Variants in TNFSF4 observed in about 807,000 individuals in gnomAD.
TNFSF4 encodes TNF superfamily member 4.
Under a neutral mutation model 7.3 loss-of-function variants are expected in TNFSF4, and 4 were observed. The ratio of observed to expected loss-of-function variants is 0.55; its 90% CI spans 0.27 to 1.25. TNFSF4 has a LOEUF of 1.25. TNFSF4 is among the 50% of genes most tolerant of loss of function. TNFSF4 has a pLI of 0.12. For missense variants in TNFSF4, 181 were observed against 208.8 expected (o/e 0.87, Z 0.82); for synonymous variants, 76 against 83.7 (o/e 0.91, Z 0.50).
chr1:173,229,298 A>G, the TNFSF4 span, among the ~76,000 whole-genome samples: 1 of 152,228 alleles, frequency 6.6e-6, no homozygotes, highest in African/African-American at 2.4e-5. Context: ...AAAGAAAGGA[A>G]TTTTCAACCC....
At chr1:173,349,626 T>G in the TNFSF4 span, among the ~76,000 whole-genome samples, 1 of 152,166 alleles carries the variant, frequency 6.6e-6, no homozygotes, top group African/African-American at 2.4e-5. Flanking sequence ...CTCAAAAGAC[T>G]CTATATAAAT....
chr1:173,248,683 C>T, the TNFSF4 span, among the ~76,000 whole-genome samples: 2 of 152,032 alleles, frequency 1.3e-5, no homozygotes, highest in Non-Finnish European at 2.9e-5. Context: ...GAGAGGCAGG[C>T]GGGAGCCAGA....
chr1:173,351,933 C>CTTT, the TNFSF4 span: 3 of 536,938 alleles, frequency 5.6e-6, no homozygotes, highest in African/African-American at 1.9e-5. Flanking sequence ...GATCCCTGAA[C>CTTT]AGAAAGCCAA....
At chr1:173,431,838 T>G in the TNFSF4 span, among the ~76,000 whole-genome samples, 3 of 152,126 alleles carry the variant, frequency 2.0e-5, no homozygotes, top group Non-Finnish European at 4.4e-5. Context: ...TGTGCTTACT[T>G]CCTCAGCAGA....
chr1:173,228,841 T>A, the TNFSF4 span, among the ~76,000 whole-genome samples: 1 of 152,024 alleles, frequency 6.6e-6, no homozygotes, highest in Admixed American at 6.6e-5. Context: ...TGATTGAAGA[T>A]CAAATGAATG....
At chr1:173,270,324 G>A in the TNFSF4 span, among the ~76,000 whole-genome samples, 1 of 152,106 alleles carries the variant, frequency 6.6e-6, no homozygotes, top group Admixed American at 6.6e-5. Flanking sequence ...AATTGCTAGT[G>A]TAAAGGTGCC....
At chr1:173,413,362 G>A in the TNFSF4 span, among the ~76,000 whole-genome samples, 173 of 152,288 alleles carry the variant, frequency 1.1e-3, no homozygotes, top group African/African-American at 2.8e-3. Context: ...GGGGGAACTT[G>A]TTATTCTTTT....
intron 1 of TNFSF4, chr1:173,205,200 G>C: frequency 7.9e-7 from 1 of 1,272,692 alleles, no homozygotes; most frequent in South Asian, 1.5e-5. Context: ...TCTATTTTCA[G>C]AGTAGACAGG....
the TNFSF4 span, among the ~76,000 whole-genome samples, chr1:173,414,381 T>A: frequency 6.6e-6 from 1 of 152,128 alleles, no homozygotes; most frequent in South Asian, 2.1e-4. Context: ...TTCTATGACC[T>A]CATTTAACCG....
the TNFSF4 span, among the ~76,000 whole-genome samples, chr1:173,244,650 AC>A: frequency 1.2e-3 from 146 of 125,764 alleles, 5 homozygotes; most frequent in African/African-American, 3.6e-3. Context: ...TCAAAAAAAA[AC>A]AAAAAACAAA....
chr1:173,266,658 T>C, the TNFSF4 span, among the ~76,000 whole-genome samples: 1 of 152,156 alleles, frequency 6.6e-6, no homozygotes, highest in Non-Finnish European at 1.5e-5. Context: ...TGTATGTGCC[T>C]TTCTCCCTTT....
chr1:173,267,419 C>A, the TNFSF4 span, among the ~76,000 whole-genome samples: 1 of 152,106 alleles, frequency 6.6e-6, no homozygotes, highest in Non-Finnish European at 1.5e-5. Context: ...AATGCTGATT[C>A]CCAATTTGCA....
At chr1:173,423,428 C>A in the TNFSF4 span, among the ~76,000 whole-genome samples, 2 of 152,138 alleles carry the variant, frequency 1.3e-5, no homozygotes, top group South Asian at 2.1e-4. Context: ...CTCCCTCCCC[C>A]ACAGCACATG....
the TNFSF4 span, among the ~76,000 whole-genome samples, chr1:173,248,410 A>AAG: frequency 2.7e-5 from 4 of 145,820 alleles, no homozygotes; most frequent in African/African-American, 7.8e-5. Flanking sequence ...AAGGAAGGAA[A>AAG]GAAAGAAGGA....
chr1:173,212,434 T>C, the TNFSF4 span, among the ~76,000 whole-genome samples: 2 of 152,120 alleles, frequency 1.3e-5, no homozygotes, highest in African/African-American at 4.8e-5. Context: ...CTTTCTATGA[T>C]AGGAAGCCTC....
At chr1:173,426,413 A>C in the TNFSF4 span, among the ~76,000 whole-genome samples, 2 of 152,180 alleles carry the variant, frequency 1.3e-5, no homozygotes, top group Non-Finnish European at 2.9e-5. Flanking sequence ...TCAGCATGTC[A>C]AAATGCCATA....
At chr1:173,301,035 A>G in the TNFSF4 span, among the ~76,000 whole-genome samples, 10 of 151,942 alleles carry the variant, frequency 6.6e-5, no homozygotes, top group Admixed American at 6.6e-4. Context: ...AAAATCCAGT[A>G]TTTTTAAAAA....
the TNFSF4 span, among the ~76,000 whole-genome samples, chr1:173,411,253 G>A: frequency 1.3e-5 from 2 of 152,158 alleles, no homozygotes; most frequent in Admixed American, 1.3e-4. Context: ...TTCTTTGCTG[G>A]ACTAGTGTCA....
the TNFSF4 span, among the ~76,000 whole-genome samples, chr1:173,232,883 G>A: frequency 8.5e-5 from 13 of 152,238 alleles, no homozygotes; most frequent in South Asian, 1.5e-3. Context: ...GTATTTTATT[G>A]AGGATTTTTG....
Sources: gnomAD v4.1 joint callset for allele counts (sites outside exome capture counted in the v4.1 genomes callset) on GRCh38, gnomAD v4.1.1 for gene constraint, MANE v1.5 for transcripts, NCBI Gene and HGNC (gene_info 2026-07-23, HGNC 2026-07-21) for gene names.